The following SNX29 variants were observed in gnomAD, a reference collection of about 807,000 sequenced individuals.
SNX29 encodes the protein sorting nexin 29.
A neutral mutation model predicts 102.1 loss-of-function variants in SNX29; 78 were observed. That is an observed-to-expected ratio of 0.76 (90% CI 0.64 to 0.92). The LOEUF is 0.92. SNX29 is among the 40% of genes least tolerant of loss of function. SNX29 has a pLI of 0.00. For missense variants in SNX29, 1,280 were observed against 1,061.7 expected (o/e 1.21, Z -2.86); for synonymous variants, 580 against 414.5 (o/e 1.40, Z -4.85).
At chr16:12,527,402 CA>C in intron 20 of SNX29, 3 of 471,000 alleles carry the variant, frequency 6.4e-6, no homozygotes, top group Non-Finnish European at 1.2e-5. Flanking sequence ...AATAAACCCC[CA>C]AAGCATAATT....
In SNX29 at chr16:12,571,950, G is replaced by A. The variant is rs1157561802; in HGVS notation, c.*3321G>A. The A allele has an allele frequency of 2.8e-6, 3 of 1,061,938 alleles. No individual in the cohort carries two copies. The highest frequency in any genetic ancestry group is 9.1e-5 in the South Asian group (2 of 21,948). The allele number at this position is 1,061,938 out of a possible 1,614,324, so 65.8% of individuals were successfully genotyped here. On this transcript the variant is annotated 3_prime_UTR_variant, in exon 21 of 21. Coordinates refer to ENST00000566228, the MANE Select transcript of SNX29 (RefSeq NM_032167.5). ...TGAAGGAAGACACTTTCAGGGAAGA[G>A]GCTCTTACAGTCTATGGTGGTAGCC...
intron 18 of SNX29, among the ~76,000 whole-genome samples, chr16:12,410,975 T>C (rs762437481): frequency 6.6e-6 from 1 of 152,200 alleles, no homozygotes; most frequent in African/African-American, 2.4e-5. Context: ...CCCACAGCTC[T>C]GTCTTTATGC....
rs555144378 is a variant in SNX29 at position 12,570,870 on chromosome 16, C to T, written c.*2241C>T. On this transcript the variant is annotated 3_prime_UTR_variant, in exon 21 of 21. Transcript: ENST00000566228. The stretch of plus-strand genomic sequence containing the variant: ...AACTGGTGGGAGAAACTGCCTCCTA[C>T]TTTTATAATACTGAATTATTCACAA... 1 of 231,948 alleles carries T rather than the reference C, an allele frequency of 4.3e-6. No homozygotes were observed. Among genetic ancestry groups the T allele is most frequent in the East Asian group, 6.1e-5 (1 of 16,360 alleles). 14.4% of individuals were successfully genotyped at this position (231,948 alleles called of 1,614,324 possible).
intron 20 of SNX29, among the ~76,000 whole-genome samples, chr16:12,552,228 G>GCA: frequency 6.6e-6 from 1 of 151,544 alleles, no homozygotes; most frequent in East Asian, 1.9e-4. Context: ...CAGACATCCA[G>GCA]CACCATGCCC....
rs568058917 is a variant in SNX29 at position 12,163,536 on chromosome 16, C to A, written c.1595+33778C>A. The stretch of plus-strand genomic sequence containing the variant: ...TGGAGCAGCACTGAGGATGCAGCAC[C>A]GATGAATTCACATGGTTAGAGAGGC... On this transcript the variant is annotated intron_variant, in intron 13 of 20. Transcript: ENST00000566228. 2.0e-5 allele frequency among the ~76,000 whole-genome samples: 3 copies of A among 152,178 alleles called. No homozygotes were observed. The South Asian group carries it at 6.2e-4, about 32-fold the overall frequency.
intron 18 of SNX29, among the ~76,000 whole-genome samples, chr16:12,450,990 T>C (rs1040927546): frequency 1.9e-4 from 29 of 151,930 alleles, no homozygotes; most frequent in African/African-American, 6.8e-4. Flanking sequence ...AGGGACCCAG[T>C]ACTAGGGAAT....
At chr16:12,253,205 T>C (rs1161711120) in intron 14 of SNX29, among the ~76,000 whole-genome samples, 2 of 152,206 alleles carry the variant, frequency 1.3e-5, no homozygotes, top group Admixed American at 6.5e-5. Context: ...CATTACCTGT[T>C]GGTGACCATG....
At chr16:12,518,401 G>A (rs1404205612) in intron 19 of SNX29, among the ~76,000 whole-genome samples, 1 of 152,130 alleles carries the variant, frequency 6.6e-6, no homozygotes, top group Non-Finnish European at 1.5e-5. Context: ...TTCTGCCTGG[G>A]GGTTTCTTCT....
intron 18 of SNX29, among the ~76,000 whole-genome samples, chr16:12,436,927 A>G (rs2085565826): frequency 6.6e-6 from 1 of 152,216 alleles, no homozygotes; most frequent in Admixed American, 6.5e-5. Context: ...TGCTGGGATT[A>G]CAGGCATGAG....
chr16:12,310,474 G>A (rs940218072), intron 15 of SNX29, among the ~76,000 whole-genome samples: 1 of 151,856 alleles, frequency 6.6e-6, no homozygotes, highest in Non-Finnish European at 1.5e-5. Flanking sequence ...CCATTGGCAC[G>A]CGTAACAGCA....
rs1030922747 is a variant in SNX29, at chr16:12,572,415, C to G, written c.*3786C>G. The G allele has an allele frequency of 1.8e-5, 19 of 1,063,808 alleles. No individual in the cohort carries two copies. The highest frequency in any genetic ancestry group is 5.4e-5 in the Admixed American group (1 of 18,678). The allele number at this position is 1,063,808 out of a possible 1,614,324, so 65.9% of individuals were successfully genotyped here. On this transcript the variant is annotated 3_prime_UTR_variant, in exon 21 of 21. Transcript: ENST00000566228. ...ACAGCCTGAGGCAGGGCTCTGTGGC[C>G]CAGGCCGGCAGTGGCTGCCTCTCTT... is the stretch of plus-strand genomic sequence containing the variant.
At chr16:12,103,560 TAAATG>T (rs2053107625) in intron 11 of SNX29, among the ~76,000 whole-genome samples, 1 of 152,212 alleles carries the variant, frequency 6.6e-6, no homozygotes, top group South Asian at 2.1e-4. Context: ...ATTAAAGACT[TAAATG>T]TAAGATCTAA....
At position 12,310,107 on chromosome 16, in the gene SNX29, CAT is replaced by C. The variant is rs1427510660; in HGVS notation, c.1782+32073_1782+32074del. ...GTGCACACATGCACACACATGCACA[CAT>C]ACACGTGCACGCACACATGCATGCA... On this transcript the variant is annotated intron_variant, in intron 15 of 20. Coordinates refer to ENST00000566228, the MANE Select transcript of SNX29 (RefSeq NM_032167.5). 5.6e-4 allele frequency among the ~76,000 whole-genome samples: 76 copies of C among 135,796 alleles called. 1 individual carries two copies. In the East Asian group the frequency reaches 0.011, roughly 19 times the overall value. 89.1% of individuals were successfully genotyped at this position (135,796 alleles called of 152,430 possible).
intron 20 of SNX29, among the ~76,000 whole-genome samples, chr16:12,556,142 G>A (rs919876516): frequency 1.3e-5 from 2 of 152,160 alleles, no homozygotes; most frequent in Admixed American, 6.5e-5. Flanking sequence ...AGTGATGGTT[G>A]GAGTGGTTAA....
chr16:12,344,488 C>G (rs972599647), intron 15 of SNX29, among the ~76,000 whole-genome samples: 1 of 152,132 alleles, frequency 6.6e-6, no homozygotes, highest in Admixed American at 6.5e-5. Context: ...GTGTTTAAAA[C>G]AGGGTTTGGC....
At chr16:12,499,355 G>A (rs888821978) in intron 19 of SNX29, among the ~76,000 whole-genome samples, 3 of 152,222 alleles carry the variant, frequency 2.0e-5, no homozygotes, top group Non-Finnish European at 2.9e-5. Context: ...TCACTGCTAA[G>A]TTCCAGGTGA....
chr16:12,275,029 T>A (rs1275782448), intron 14 of SNX29, among the ~76,000 whole-genome samples: 2 of 152,238 alleles, frequency 1.3e-5, no homozygotes, highest in African/African-American at 4.8e-5. Context: ...CTCTGTTTAT[T>A]CCTGTCTCAG....
intron 14 of SNX29, among the ~76,000 whole-genome samples, chr16:12,221,936 C>G (rs1337804737): frequency 4.6e-5 from 7 of 152,216 alleles, no homozygotes; most frequent in Non-Finnish European, 4.4e-5. Flanking sequence ...CTCATTTCAA[C>G]TCATCAGCAG....
intron 18 of SNX29, among the ~76,000 whole-genome samples, chr16:12,441,640 T>C (rs1019900475): frequency 1.3e-5 from 2 of 152,228 alleles, no homozygotes; most frequent in East Asian, 1.9e-4. Flanking sequence ...AAGTCCAATT[T>C]ATCTGTTTTT....
Sources: allele counts gnomAD v4.1 joint callset (sites outside exome capture counted in the v4.1 genomes callset), GRCh38; gene constraint gnomAD v4.1.1; transcripts MANE v1.5; gene names NCBI Gene and HGNC (gene_info 2026-07-23, HGNC 2026-07-21).